DMXL1: variants seen among roughly 807,000 people sequenced by gnomAD.
The protein encoded by DMXL1 is Dmx like 1.
A neutral mutation model predicts 319.2 loss-of-function variants in DMXL1; 99 were observed. The observed-to-expected ratio is 0.31, with a 90% CI of 0.26 to 0.37. The LOEUF (loss-of-function observed/expected upper bound fraction) is 0.37, where lower values mean the gene tolerates loss of function less well. DMXL1 is among the 10% of genes least tolerant of loss of function. DMXL1 has a pLI of 1.00. For missense variants in DMXL1, 3,745 were observed against 3,595.6 expected (o/e 1.04, Z -1.06); for synonymous variants, 1,385 against 1,235.2 (o/e 1.12, Z -2.54).
At chr5:119,127,849 G>A in intron 9 of DMXL1, 1 of 309,288 alleles carries the variant, frequency 3.2e-6, no homozygotes, top group South Asian at 3.1e-5. Context: ...TAAACTATTG[G>A]CATTTCTCTG....
chr5:119,085,666 T>G (rs1252640327), intron 1 of DMXL1, among the ~76,000 whole-genome samples: 1 of 152,216 alleles, frequency 6.6e-6, no homozygotes, highest in Admixed American at 6.5e-5. Context: ...CTTTCCAATT[T>G]GGTTACCCTT....
chr5:119,174,496 C>T (rs1387164269), intron 25 of DMXL1, among the ~76,000 whole-genome samples: 1 of 152,230 alleles, frequency 6.6e-6, no homozygotes, highest in Admixed American at 6.5e-5. Context: ...TCTTTTAATT[C>T]ATACTACGTT....
Position 119,147,588 on chromosome 5 carries a change from A to G in DMXL1, c.2911+118A>G, listed in dbSNP as rs145611536. The G allele has an allele frequency of 8.7e-4, 572 of 659,146 alleles. 6 individuals carry two copies. The African/African-American group carries it at 9.9e-3, about 11-fold the overall frequency. The allele number at this position is 659,146 out of a possible 1,614,324, so 40.8% of individuals were successfully genotyped here. On this transcript the variant is annotated intron_variant, in intron 17 of 43. Coordinates refer to ENST00000539542, the MANE Select transcript of DMXL1 (RefSeq NM_001290321.3). ...ACACAGAACTAGAAATGGAAATAATATATTCAAGTACCCTAAATTGAAGAC... is the reference window on the plus strand; with the variant it reads ...ACACAGAACTAGAAATGGAAATAATGTATTCAAGTACCCTAAATTGAAGAC...
chr5:119,135,698 T>G (rs1290588585), intron 13 of DMXL1, among the ~76,000 whole-genome samples: 1 of 152,148 alleles, frequency 6.6e-6, no homozygotes, highest in African/African-American at 2.4e-5. Context: ...AGTGGCAGTT[T>G]CCCCTGTGCA....
chr5:119,214,100 C>T (rs891730551), intron 34 of DMXL1, among the ~76,000 whole-genome samples: 17 of 152,062 alleles, frequency 1.1e-4, no homozygotes, highest in African/African-American at 4.1e-4. Flanking sequence ...TGACAACTCT[C>T]AAATCTCTCT....
At chr5:119,186,293 C>G (rs1204601582) in intron 28 of DMXL1, among the ~76,000 whole-genome samples, 1 of 152,158 alleles carries the variant, frequency 6.6e-6, no homozygotes, top group Non-Finnish European at 1.5e-5. Flanking sequence ...GTTGTTGAGA[C>G]AGGTTCTTGT....
intron 39 of DMXL1, among the ~76,000 whole-genome samples, chr5:119,234,381 C>G (rs1186060133): frequency 6.6e-6 from 1 of 152,132 alleles, no homozygotes; most frequent in African/African-American, 2.4e-5. Flanking sequence ...AAATTACTCT[C>G]ACAGACTCTA....
At chr5:119,156,343 T>A (rs762384185) in intron 19 of DMXL1, among the ~76,000 whole-genome samples, 1 of 152,260 alleles carries the variant, frequency 6.6e-6, no homozygotes, top group Non-Finnish European at 1.5e-5. Context: ...TAGACCACAG[T>A]ATGATGTAAC....
At chr5:119,175,552 CT>C (rs1775635042) in intron 26 of DMXL1, among the ~76,000 whole-genome samples, 1 of 152,118 alleles carries the variant, frequency 6.6e-6, no homozygotes, top group South Asian at 2.1e-4. Flanking sequence ...CAGCCTATTA[CT>C]GGTCACTGCC....
At chr5:119,188,167 A>T in intron 28 of DMXL1, among the ~76,000 whole-genome samples, 1 of 152,254 alleles carries the variant, frequency 6.6e-6, no homozygotes, top group South Asian at 2.1e-4. Flanking sequence ...AAAGAAAACT[A>T]TTTTTATGAC....
Position 119,150,373 on chromosome 5 carries a change from A to G in DMXL1, c.4546A>G (p.Ile1516Val), listed in dbSNP as rs1320562443. 5 of 1,613,732 alleles carry G rather than the reference A, an allele frequency of 3.1e-6. No individual in the cohort carries two copies. The highest frequency in any genetic ancestry group is 1.3e-5 in the African/African-American group (1 of 75,016). Residue 1516 changes from isoleucine to valine, a missense_variant, in exon 18 of 44, where the codon ATT (isoleucine) becomes GTT (valine). Coordinates refer to ENST00000539542, the MANE Select transcript of DMXL1 (RefSeq NM_001290321.3). Reference sequence around the variant, plus strand: ...GTCTTTGATGGCCTTAGCAGATACAATTGCAACTACAAGCACTGATATTGG... The same window carrying G: ...GTCTTTGATGGCCTTAGCAGATACAGTTGCAACTACAAGCACTGATATTGG... ...QMSLMALADT[I>V]ATTSTDIGES...
chr5:119,103,445 A>G (rs1368810532), intron 3 of DMXL1, among the ~76,000 whole-genome samples: 2 of 152,196 alleles, frequency 1.3e-5, no homozygotes, highest in Non-Finnish European at 2.9e-5. Flanking sequence ...AAGGCAGTAG[A>G]GTAGGCTCAA....
intron 13 of DMXL1, among the ~76,000 whole-genome samples, chr5:119,136,672 G>A (rs1358455905): frequency 6.6e-6 from 1 of 152,246 alleles, no homozygotes; most frequent in African/African-American, 2.4e-5. Flanking sequence ...CTCCAGCCAT[G>A]GCTAAAAGGG....
intron 4 of DMXL1, among the ~76,000 whole-genome samples, chr5:119,108,948 T>C (rs1758955527): frequency 6.6e-6 from 1 of 152,002 alleles, no homozygotes; most frequent in African/African-American, 2.4e-5. Context: ...TTTACAGGCA[T>C]GCTCCACCAT....
At chr5:119,074,792 C>T (rs974412808) in intron 1 of DMXL1, among the ~76,000 whole-genome samples, 2 of 152,174 alleles carry the variant, frequency 1.3e-5, no homozygotes, top group African/African-American at 2.4e-5. Context: ...TGACTTCCCA[C>T]GCTTCATTGT....
chr5:119,090,953 A>G (rs1286156371), intron 1 of DMXL1, among the ~76,000 whole-genome samples: 1 of 151,748 alleles, frequency 6.6e-6, no homozygotes, highest in East Asian at 1.9e-4. Flanking sequence ...GCCTCTAATG[A>G]ATTTTTCAGT....
chr5:119,221,031 A>T lies in DMXL1; in HGVS notation c.8227A>T (p.Ile2743Phe). The T allele has an allele frequency of 6.2e-7, 1 of 1,613,912 alleles. No individual in the cohort carries two copies. Among genetic ancestry groups the T allele is most frequent in the South Asian group, 1.1e-5 (1 of 91,068 alleles). Residue 2743 changes from isoleucine to phenylalanine, a missense_variant, in exon 37 of 44, where the codon ATC becomes TTC. Ile to Phe is a conservative substitution (Grantham distance 21). This residue lies in a region of DMXL1 where 1,382 missense variants were observed against 1,269.5 expected (regional missense o/e 1.09). Transcript: ENST00000539542. ...PYTHSNPGTP[I>F]NMPWLGSTQT... The stretch of plus-strand genomic sequence containing the variant: ...TACACATAGCAATCCTGGCACTCCA[A>T]TCAACATGCCATGGCTTGGTAGTAC...
chr5:119,209,705 C>G (rs891241534), intron 34 of DMXL1, among the ~76,000 whole-genome samples: 3 of 152,124 alleles, frequency 2.0e-5, no homozygotes, highest in African/African-American at 7.2e-5. Flanking sequence ...TTTAACCATT[C>G]TAGTAGGTAT....
intron 19 of DMXL1, among the ~76,000 whole-genome samples, chr5:119,163,689 C>T (rs947223892): frequency 3.3e-5 from 5 of 152,180 alleles, no homozygotes; most frequent in African/African-American, 9.7e-5. Context: ...CCTGGGTTCA[C>T]GCCATTCTCC....
Sources: allele counts gnomAD v4.1 joint callset (sites outside exome capture counted in the v4.1 genomes callset), GRCh38; gene constraint gnomAD v4.1.1; regional missense constraint gnomAD v4.1.1; transcripts MANE v1.5; gene names NCBI Gene and HGNC (gene_info 2026-07-23, HGNC 2026-07-21).